Variants in ZFPM2 observed in about 807,000 individuals in gnomAD.
The protein encoded by ZFPM2 is zinc finger protein, FOG family member 2, also known as zinc finger protein ZFPM2.
Under a neutral mutation model 98.6 loss-of-function variants are expected in ZFPM2, and 20 were observed. The observed-to-expected ratio is 0.20, with a 90% CI of 0.14 to 0.29. ZFPM2 has a LOEUF of 0.29. Ranked by LOEUF, ZFPM2 falls within the 10% of genes least tolerant of loss-of-function variation. ZFPM2 has a pLI of 1.00. For synonymous variants in ZFPM2, 518 were observed against 502.7 expected (o/e 1.03, Z -0.41); for missense variants, 1,310 against 1,388.6 (o/e 0.94, Z 0.90).
chr8:105,441,474 G>GAAAGAAAGAAAGAAAGAAAGAAAGAAAA (rs1812244237), intron 2 of ZFPM2, among the ~76,000 whole-genome samples: 2 of 91,232 alleles, frequency 2.2e-5, no homozygotes, highest in Non-Finnish European at 4.0e-5. Flanking sequence ...AAGAAAGAAA[G>GAAAGAAAGAAAGAAAGAAAGAAAGAAAA]AAAGAAAGAA....
intron 5 of ZFPM2, among the ~76,000 whole-genome samples, chr8:105,686,997 A>G (rs1286157690): frequency 6.6e-6 from 1 of 152,150 alleles, no homozygotes; most frequent in African/African-American, 2.4e-5. Flanking sequence ...CAAATTTCCC[A>G]GTGTCCTGTG....
At chr8:105,697,605 T>C (rs1811049965) in intron 5 of ZFPM2, among the ~76,000 whole-genome samples, 2 of 152,224 alleles carry the variant, frequency 1.3e-5, no homozygotes, top group South Asian at 4.1e-4. Context: ...TTTAGCTTTA[T>C]ATTTACTCTG....
chr8:105,714,043 T>C (rs768630315), intron 5 of ZFPM2, among the ~76,000 whole-genome samples: 2 of 152,104 alleles, frequency 1.3e-5, no homozygotes, highest in Non-Finnish European at 2.9e-5. Context: ...GTAGATTGTT[T>C]TGGGCAGTAT....
At chr8:105,637,990 C>T (rs1485610824) in intron 5 of ZFPM2, among the ~76,000 whole-genome samples, 1 of 151,802 alleles carries the variant, frequency 6.6e-6, no homozygotes, top group Non-Finnish European at 1.5e-5. Context: ...TAGATGGGTT[C>T]ATCTGCTCAT....
chr8:105,632,727 C>T (rs1158338360), intron 4 of ZFPM2, among the ~76,000 whole-genome samples: 8 of 152,030 alleles, frequency 5.3e-5, no homozygotes, highest in Non-Finnish European at 1.2e-4. Flanking sequence ...ACATCTTTTT[C>T]GCAAGGCTTT....
intron 5 of ZFPM2, among the ~76,000 whole-genome samples, chr8:105,661,886 T>G (rs1320585212): frequency 6.6e-6 from 1 of 152,018 alleles, no homozygotes; most frequent in Non-Finnish European, 1.5e-5. Flanking sequence ...ACAACCCAGT[T>G]GGGAGTAGCG....
chr8:105,324,473 T>G (rs1812081898), intron 1 of ZFPM2, among the ~76,000 whole-genome samples: 1 of 151,824 alleles, frequency 6.6e-6, no homozygotes, highest in South Asian at 2.1e-4. Context: ...TTCAAATGAT[T>G]TTTAAAAAAG....
intron 4 of ZFPM2, among the ~76,000 whole-genome samples, chr8:105,581,796 C>T (rs1815606597): frequency 6.6e-6 from 1 of 152,182 alleles, no homozygotes; most frequent in African/African-American, 2.4e-5. Context: ...TTTTATCTCA[C>T]TCAAATTTAT....
chr8:105,332,296 A>G (rs1812248145), intron 1 of ZFPM2, among the ~76,000 whole-genome samples: 1 of 151,726 alleles, frequency 6.6e-6, no homozygotes, highest in African/African-American at 2.4e-5. Flanking sequence ...TTGACTTTGT[A>G]CTAGAATGTA....
intron 3 of ZFPM2, among the ~76,000 whole-genome samples, chr8:105,487,945 G>T (rs1839438): frequency 0.58 from 80,591 of 139,244 alleles, 22,099 homozygotes; most frequent in East Asian, 0.69. Context: ...TAGCTAGCTA[G>T]CTAGCTATCT....
chr8:105,693,637 A>G (rs1013314823), intron 5 of ZFPM2, among the ~76,000 whole-genome samples: 6 of 152,174 alleles, frequency 3.9e-5, no homozygotes, highest in African/African-American at 1.4e-4. Context: ...TCCATTTTAA[A>G]TTTTTTTGAA....
intron 3 of ZFPM2, among the ~76,000 whole-genome samples, chr8:105,527,159 TTAC>T (rs1464721737): frequency 6.6e-6 from 1 of 152,146 alleles, no homozygotes; most frequent in Non-Finnish European, 1.5e-5. Context: ...CTCAGAAATC[TTAC>T]TATGGGTGTT....
intron 5 of ZFPM2, among the ~76,000 whole-genome samples, chr8:105,691,518 G>A (rs1810881944): frequency 8.2e-6 from 1 of 121,952 alleles, no homozygotes; most frequent in South Asian, 2.7e-4. Flanking sequence ...AAAGTGCTGG[G>A]ATTACAGGCG....
At chr8:105,741,126 G>A (rs1346605131) in intron 5 of ZFPM2, among the ~76,000 whole-genome samples, 4 of 152,050 alleles carry the variant, frequency 2.6e-5, no homozygotes, top group African/African-American at 9.7e-5. Flanking sequence ...GTCAGTGAAG[G>A]TAGAAGGAAC....
At chr8:105,783,647 C>G (rs1813327428) in intron 5 of ZFPM2, among the ~76,000 whole-genome samples, 1 of 152,130 alleles carries the variant, frequency 6.6e-6, no homozygotes, top group Non-Finnish European at 1.5e-5. Flanking sequence ...CACTGTTTGT[C>G]TTTTTGTGAC....
In ZFPM2 at chr8:105,437,605, A is replaced by G. The variant is rs141986241; in HGVS notation, c.200-6675A>G. ...CTTTTCAAACTCTTTAGCATCTTAAAATGTCTTCTGGATTATACTCTTACC... is the reference window on the plus strand; with the variant it reads ...CTTTTCAAACTCTTTAGCATCTTAAGATGTCTTCTGGATTATACTCTTACC... On this transcript the variant is annotated intron_variant, in intron 2 of 7. Transcript: ENST00000407775. Among the ~76,000 whole-genome samples, 398 of 152,268 alleles carry G rather than the reference A, an allele frequency of 2.6e-3. 3 individuals carry two copies. The highest frequency in any genetic ancestry group is 4.9e-3 in the Non-Finnish European group (335 of 68,026).
intron 1 of ZFPM2, among the ~76,000 whole-genome samples, chr8:105,403,544 A>G (rs1235244042): frequency 1.3e-5 from 2 of 152,086 alleles, no homozygotes; most frequent in Non-Finnish European, 2.9e-5. Flanking sequence ...AAATCATTTT[A>G]TAAAGTAATT....
intron 3 of ZFPM2, among the ~76,000 whole-genome samples, chr8:105,452,691 A>G (rs566858731): frequency 2.1e-4 from 32 of 152,142 alleles, no homozygotes; most frequent in African/African-American, 6.0e-4. Context: ...ATTTGAGGCT[A>G]TAGTTAGCTG....
intron 5 of ZFPM2, among the ~76,000 whole-genome samples, chr8:105,747,655 A>G (rs1812378986): frequency 1.3e-5 from 2 of 152,032 alleles, no homozygotes; most frequent in South Asian, 4.1e-4. Context: ...ACCATAACTC[A>G]TTACATCTGA....
Sources: allele counts gnomAD v4.1 joint callset (sites outside exome capture counted in the v4.1 genomes callset), GRCh38; gene constraint gnomAD v4.1.1; transcripts MANE v1.5; gene names NCBI Gene and HGNC (gene_info 2026-07-23, HGNC 2026-07-21).